The following M6PR variants were observed in gnomAD, a reference collection of about 807,000 sequenced individuals.
M6PR encodes the protein cation-dependent mannose-6-phosphate receptor.
M6PR carries 19 observed loss-of-function variants against 33.1 expected under a neutral mutation model. That is an observed-to-expected ratio of 0.57 (90% CI 0.40 to 0.84). The LOEUF is 0.84. Ranked by LOEUF, M6PR falls within the 40% of genes least tolerant of loss-of-function variation. The pLI is 0.00. For synonymous variants in M6PR, 111 were observed against 123.4 expected (o/e 0.90, Z 0.67); for missense variants, 295 against 336.0 (o/e 0.88, Z 0.95).
intron 1 of M6PR, among the ~76,000 whole-genome samples, chr12:8,947,727 CAG>C (rs767688647): frequency 7.9e-5 from 12 of 152,106 alleles, no homozygotes; most frequent in Non-Finnish European, 1.3e-4. Context: ...TGGAGTGAGC[CAG>C]AGAGTCTAGC....
chr12:8,943,141 G>C (rs777703603), intron 5 of M6PR, among the ~76,000 whole-genome samples: 2 of 152,014 alleles, frequency 1.3e-5, no homozygotes, highest in African/African-American at 2.4e-5. Flanking sequence ...TAGTAGAGAC[G>C]GAGTTTCATC....
chr12:8,948,063 A>G lies in M6PR; in HGVS notation c.-2+1425T>C, dbSNP rs193173406. Among the ~76,000 whole-genome samples, 43 of 152,332 alleles carry G rather than the reference A, an allele frequency of 2.8e-4. No homozygotes were observed. The South Asian group carries it at 3.5e-3, about 12-fold the overall frequency. On this transcript the variant is annotated intron_variant, in intron 1 of 6. Coordinates refer to ENST00000000412, the MANE Select transcript of M6PR (RefSeq NM_002355.4). ...CTTTCCAGTCTCTCAGGACCTAATTAAAAACTGACAGTTGATTTCTTTTCC... is the reference window on the plus strand; with the variant it reads ...CTTTCCAGTCTCTCAGGACCTAATTGAAAACTGACAGTTGATTTCTTTTCC...
intron 2 of M6PR, 87 bp from the exon 3 acceptor site, chr12:8,945,671 A>G (rs1946084715): frequency 9.4e-7 from 1 of 1,067,754 alleles, no homozygotes; most frequent in Admixed American, 2.4e-5. Context: ...AATTAAAACA[A>G]AACAAACAAC....
chr12:8,943,774 C>G (rs748790770), intron 4 of M6PR, 27 bp downstream of exon 4: 35 of 1,588,358 alleles, frequency 2.2e-5, no homozygotes, highest in Non-Finnish European at 2.9e-5. Context: ...TCTCCTCCCT[C>G]GGCTTATACA....
At position 8,945,597 on chromosome 12, in the gene M6PR, GT is replaced by G; in HGVS notation, c.177-14del. The G allele has an allele frequency of 4.3e-6, 7 of 1,611,756 alleles. No individual in the cohort carries two copies. The highest frequency in any genetic ancestry group is 5.9e-6 in the Non-Finnish European group (7 of 1,178,494). Reference sequence around the variant, plus strand: ...AGTGCTCTCAAAGCTGTAAAGAGAAGTGGGAAGAAAGAAGAGGAGAGTTACT... The same window carrying G: ...AGTGCTCTCAAAGCTGTAAAGAGAAGGGGAAGAAAGAAGAGGAGAGTTACT... On this transcript the variant is annotated splice_polypyrimidine_tract_variant and intron_variant, in intron 2 of 6. Transcript: ENST00000000412.
intron 5 of M6PR, 97 bp downstream of exon 5, chr12:8,943,308 G>T: frequency 8.8e-7 from 1 of 1,130,090 alleles, no homozygotes; most frequent in Non-Finnish European, 1.3e-6. Flanking sequence ...ACAGCATAAT[G>T]TACACATACA....
intron 2 of M6PR, 112 bp downstream of exon 2, chr12:8,946,113 GGGCT>G: frequency 9.9e-7 from 1 of 1,005,186 alleles, no homozygotes; most frequent in Non-Finnish European, 1.4e-6. Context: ...ACTAAAAACT[GGGCT>G]GAGAATTTGC....
chr12:8,948,682 T>A (rs1400566654), intron 1 of M6PR, among the ~76,000 whole-genome samples: 1 of 152,246 alleles, frequency 6.6e-6, no homozygotes, highest in Non-Finnish European at 1.5e-5. Context: ...CTATTTTATT[T>A]GGCAATGCTA....
Position 8,945,473 on chromosome 12 carries a change from A to G in M6PR, c.288T>C (p.Ser96=), listed in dbSNP as rs767951449. ...TCCCTACCACTGTCTCCTTCCCATTACTTTTGTTGATTTGCACCAGGCCTG... is the reference window on the plus strand; with the variant it reads ...TCCCTACCACTGTCTCCTTCCCATTGCTTTTGTTGATTTGCACCAGGCCTG... ...SGAGLVQINK[S]NGKETVVGRL... Residue 96 remains serine, a synonymous_variant, in exon 3 of 7, where the codon AGT becomes AGC. Transcript: ENST00000000412. 1.3e-5 allele frequency: 21 copies of G among 1,613,830 alleles called. No homozygotes were observed. The South Asian group carries it at 2.3e-4, about 18-fold the overall frequency.
At chr12:8,942,123 A>C (rs1318548503) in intron 6 of M6PR, 183 bp from the exon 7 acceptor site, 5 of 739,054 alleles carry the variant, frequency 6.8e-6, no homozygotes, top group East Asian at 2.7e-5. Flanking sequence ...GTTTCTTCTT[A>C]TTAGGCCTCA....
intron 1 of M6PR, chr12:8,946,630 C>T: frequency 2.5e-6 from 1 of 397,938 alleles, no homozygotes; most frequent in Admixed American, 4.1e-5. Flanking sequence ...ATAGGTGAGT[C>T]TTTCAGAACA....
Position 8,945,638 on chromosome 12 carries a change from G to A in M6PR, c.177-54C>T, listed in dbSNP as rs1170179687. 6 of 1,443,936 alleles carry A rather than the reference G, an allele frequency of 4.2e-6. No individual in the cohort carries two copies. In the African/African-American group the frequency reaches 5.6e-5, roughly 14 times the overall value. The allele number at this position is 1,443,936 out of a possible 1,614,324, so 89.4% of individuals were successfully genotyped here. On this transcript the variant is annotated intron_variant, in intron 2 of 6. Transcript: ENST00000000412. ...GGAGAGTTACTAGCTATCAGCCTCA[G>A]GAATAACAGCATCCCTTTCCTTAAT...
chr12:8,945,068 G>T (rs1178165783), intron 3 of M6PR, among the ~76,000 whole-genome samples: 1 of 152,206 alleles, frequency 6.6e-6, no homozygotes, highest in African/African-American at 2.4e-5. Context: ...TGAGGCTGGA[G>T]AATCGCTTGA....
intron 3 of M6PR, 69 bp from the exon 4 acceptor site, chr12:8,943,979 C>T: frequency 9.9e-7 from 1 of 1,006,926 alleles, no homozygotes; most frequent in Non-Finnish European, 1.6e-6. Context: ...GGTGGTATGG[C>T]AGAGTGGAAT....
At chr12:8,947,017 C>G (rs953412903) in intron 1 of M6PR, among the ~76,000 whole-genome samples, 10 of 152,156 alleles carry the variant, frequency 6.6e-5, no homozygotes, top group Admixed American at 2.0e-4. Context: ...ATTTTCTTTT[C>G]TCTTATCCAT....
chr12:8,941,807 T>A lies in M6PR; in HGVS notation c.*11A>T, dbSNP rs377063084. ...GGGACTGAGGAAGAGGCTGGACATA[T>A]AAAGTGCAATCTACATTGGTAATAA... On this transcript the variant is annotated 3_prime_UTR_variant, in exon 7 of 7. Transcript: ENST00000000412. 2 of 1,614,114 alleles carry A rather than the reference T, an allele frequency of 1.2e-6. No individual in the cohort carries two copies. The highest frequency in any genetic ancestry group is 1.3e-5 in the African/African-American group (1 of 75,028).
Position 8,942,552 on chromosome 12 carries a change from G to A in M6PR, c.585-10C>T. The A allele has an allele frequency of 1.9e-6, 3 of 1,613,672 alleles. No homozygotes were observed. The highest frequency in any genetic ancestry group is 1.7e-6 in the Non-Finnish European group (2 of 1,179,712). ...AACCAGTGATGCAAACCTGTAGAGA[G>A]AGAAAGACATCTATACTTAAGAACT... On this transcript the variant is annotated splice_polypyrimidine_tract_variant and intron_variant, in intron 5 of 6. Coordinates refer to ENST00000000412, the MANE Select transcript of M6PR (RefSeq NM_002355.4).
rs1258349982 is a variant in M6PR at position 8,943,412 on chromosome 12, G to GT, written c.576dup (p.Leu193ThrfsTer49). On this transcript the variant is annotated frameshift_variant, in exon 5 of 7. Transcript: ENST00000000412. LOFTEE classifies it high-confidence loss of function. Reference sequence around the variant, plus strand: ...AAAGGAAGGCATACTCACGTGACAAGTAAGATGGAACCCACACTGAGGTGG... The same window carrying GT: ...AAAGGAAGGCATACTCACGTGACAAGTTAAGATGGAACCCACACTGAGGTGG... The GT allele has an allele frequency of 2.5e-6, 4 of 1,614,046 alleles. No homozygotes were observed. Among genetic ancestry groups the GT allele is most frequent in the Non-Finnish European group, 3.4e-6 (4 of 1,179,996 alleles).
In M6PR at chr12:8,943,878, C is replaced by G; in HGVS notation, c.376G>C (p.Asp126His). 1 of 1,613,788 alleles carries G rather than the reference C, an allele frequency of 6.2e-7. No homozygotes were observed. The highest frequency in any genetic ancestry group is 8.5e-7 in the Non-Finnish European group (1 of 1,179,924). ...NWIMLIYKGG[D>H]EYDNHCGKEQ... ...TTGCCACAGTGGTTGTCATATTCAT[C>G]ACCCCCTTTATAGATCAGCATGATC... The change falls in exon 4 of 7, where the codon GAT (aspartate) becomes CAT (histidine). Residue 126 changes from aspartate (D) to histidine (H), a missense_variant. Asp to His is a moderately conservative substitution (Grantham distance 81, BLOSUM62 -1). Transcript: ENST00000000412.
Sources: allele counts gnomAD v4.1 joint callset (sites outside exome capture counted in the v4.1 genomes callset), GRCh38; gene constraint gnomAD v4.1.1; transcripts MANE v1.5; gene names NCBI Gene and HGNC (gene_info 2026-07-23, HGNC 2026-07-21).